OSBP2: variants seen among roughly 807,000 people sequenced by gnomAD.
OSBP2 encodes oxysterol-binding protein 2.
A neutral mutation model predicts 96.0 loss-of-function variants in OSBP2; 66 were observed. The ratio of observed to expected loss-of-function variants is 0.69; its 90% CI spans 0.56 to 0.84. The LOEUF is 0.84. Among genes scored for constraint, OSBP2 ranks in the 40% least tolerant of loss-of-function variants. The pLI, the probability that OSBP2 is intolerant of heterozygous loss-of-function variation, is 0.00. For missense variants in OSBP2, 1,038 were observed against 1,222.7 expected, an observed-to-expected ratio of 0.85 and a Z score of 2.25; for synonymous variants, 525 against 520.9, an observed-to-expected ratio of 1.01 and a Z score of -0.11.
At chr22:30,902,548 C>T in intron 12 of OSBP2, 12 of 1,249,654 alleles carry the variant, frequency 9.6e-6, no homozygotes, top group Non-Finnish European at 1.4e-5. Context: ...GGTAGTCACC[C>T]AGGTGACTGG....
chr22:30,743,752 C>T (rs950569259), intron 2 of OSBP2, among the ~76,000 whole-genome samples: 2 of 152,146 alleles, frequency 1.3e-5, no homozygotes, highest in Admixed American at 6.5e-5. Context: ...CAGCAGGTGG[C>T]AGTCATGGGA....
intron 2 of OSBP2, among the ~76,000 whole-genome samples, chr22:30,794,207 T>C (rs2090720934): frequency 6.6e-6 from 1 of 151,550 alleles, no homozygotes; most frequent in African/African-American, 2.4e-5. Context: ...AAAAAAAATG[T>C]TTTTTAATAA....
At chr22:30,892,361 G>A (rs907557110) in intron 8 of OSBP2, among the ~76,000 whole-genome samples, 2 of 152,082 alleles carry the variant, frequency 1.3e-5, no homozygotes, top group African/African-American at 4.8e-5. Flanking sequence ...GGAAGCAAGT[G>A]GGCACCTCTT....
chr22:30,894,867 C>T (rs1389165416), intron 12 of OSBP2, among the ~76,000 whole-genome samples: 1 of 152,154 alleles, frequency 6.6e-6, no homozygotes, highest in East Asian at 1.9e-4. Context: ...TAGAATTATA[C>T]ACCCAGGGAG....
At chr22:30,731,535 C>T (rs1403529147) in intron 1 of OSBP2, 1 of 153,634 alleles carries the variant, frequency 6.5e-6, no homozygotes, top group African/African-American at 2.4e-5. Context: ...GATGAGGCAT[C>T]ATCGAGAGAG....
rs753775777 is a variant in OSBP2, at chr22:30,906,468, T to C, written c.*129T>C. ...GCCCTTCCTATTTCCTTTCCTATTT[T>C]TTTTTTCTCCCCACACTTTCTTGGG... On this transcript the variant is annotated 3_prime_UTR_variant, in exon 14 of 14. Coordinates refer to ENST00000332585, the MANE Select transcript of OSBP2 (RefSeq NM_030758.4). 4.2e-6 allele frequency: 5 copies of C among 1,190,788 alleles called. No homozygotes were observed. Among genetic ancestry groups the C allele is most frequent in the Non-Finnish European group, 5.6e-6 (5 of 896,066 alleles). 73.8% of individuals were successfully genotyped at this position (1,190,788 alleles called of 1,614,324 possible). A position where few individuals can be genotyped will look rare whatever the true frequency, so the allele number is the denominator to read the frequency against.
At chr22:30,868,034 G>T (rs1369508310) in intron 2 of OSBP2, among the ~76,000 whole-genome samples, 1 of 152,238 alleles carries the variant, frequency 6.6e-6, no homozygotes, top group African/African-American at 2.4e-5. Context: ...GGCTACTCAG[G>T]AATTTCCTCA....
intron 3 of OSBP2, among the ~76,000 whole-genome samples, chr22:30,872,680 T>C (rs1424980605): frequency 6.6e-6 from 1 of 152,166 alleles, no homozygotes; most frequent in Non-Finnish European, 1.5e-5. Context: ...CTCCCCAAGC[T>C]CCTGCTGTTG....
chr22:30,899,411 A>G lies in OSBP2; in HGVS notation c.2375+5410A>G, dbSNP rs543637354. On this transcript the variant is annotated intron_variant, in intron 12 of 13. Coordinates refer to ENST00000332585, the MANE Select transcript of OSBP2 (RefSeq NM_030758.4). ...AAAGCAGACCCTATCTCAAAAAAAAAAAAAAAAGAAAAAGAACTGACTCTA... is the reference window on the plus strand; with the variant it reads ...AAAGCAGACCCTATCTCAAAAAAAAGAAAAAAAGAAAAAGAACTGACTCTA... Among the ~76,000 whole-genome samples, 17 of 151,994 alleles carry G rather than the reference A, an allele frequency of 1.1e-4. 1 individual carries two copies. The South Asian group carries it at 3.5e-3, about 31-fold the overall frequency.
intron 2 of OSBP2, among the ~76,000 whole-genome samples, chr22:30,846,150 T>G (rs1022206170): frequency 2.6e-4 from 40 of 152,102 alleles, no homozygotes; most frequent in African/African-American, 9.4e-4. Flanking sequence ...TTATTTTATC[T>G]TACATTATTT....
chr22:30,898,714 TGTG>T (rs901383160), intron 12 of OSBP2, among the ~76,000 whole-genome samples: 2 of 151,942 alleles, frequency 1.3e-5, no homozygotes, highest in Non-Finnish European at 2.9e-5. Context: ...TCCCCTGACA[TGTG>T]GGGATTACAA....
In OSBP2 at chr22:30,871,502, C is replaced by G. The variant is rs1044121569; in HGVS notation, c.1107+820C>G. 6.6e-6 allele frequency among the ~76,000 whole-genome samples: 1 copy of G among 152,138 alleles called. No individual in the cohort carries two copies. Among genetic ancestry groups the G allele is most frequent in the African/African-American group, 2.4e-5 (1 of 41,406 alleles). Reference sequence around the variant, plus strand: ...TGGGCCAGGGGTGCAGTTGTAGGAGCTTGGGGTGGCCTGCTGGGAGTAAGG... The same window carrying G: ...TGGGCCAGGGGTGCAGTTGTAGGAGGTTGGGGTGGCCTGCTGGGAGTAAGG... On this transcript the variant is annotated intron_variant, in intron 3 of 13. Transcript: ENST00000332585. The surrounding 1 kb of genome is among the most constrained non-coding windows in gnomAD (Gnocchi z 4.7).
intron 8 of OSBP2, among the ~76,000 whole-genome samples, chr22:30,892,233 G>T (rs1351250738): frequency 6.6e-6 from 1 of 152,124 alleles, no homozygotes; most frequent in Non-Finnish European, 1.5e-5. Flanking sequence ...CGTTTGGTGT[G>T]AGCAGCTGGA....
At chr22:30,714,934 A>T (rs995880882) in intron 1 of OSBP2, among the ~76,000 whole-genome samples, 1 of 152,116 alleles carries the variant, frequency 6.6e-6, no homozygotes, top group Non-Finnish European at 1.5e-5. Flanking sequence ...TTTCTTTTGG[A>T]TATATACGCA....
intron 2 of OSBP2, among the ~76,000 whole-genome samples, chr22:30,853,130 C>G (rs1415712623): frequency 6.6e-6 from 1 of 152,138 alleles, no homozygotes; most frequent in Non-Finnish European, 1.5e-5. Context: ...TAGGTCAATT[C>G]AGTTGATAAA....
chr22:30,735,253 T>C lies in OSBP2; in HGVS notation c.645-5908T>C, dbSNP rs2089831939. On this transcript the variant is annotated intron_variant, in intron 1 of 13. Coordinates refer to ENST00000332585, the MANE Select transcript of OSBP2 (RefSeq NM_030758.4). ...AACTAGAATGAGTAAAGGATCAATTTAGATTTGGATGCTGGGTGACTAGAA... is the reference window on the plus strand; with the variant it reads ...AACTAGAATGAGTAAAGGATCAATTCAGATTTGGATGCTGGGTGACTAGAA... Among the ~76,000 whole-genome samples the C allele has an allele frequency of 3.3e-5, 5 of 152,182 alleles. 1 individual carries two copies. The highest frequency in any genetic ancestry group is 3.3e-4 in the Admixed American group (5 of 15,276).
intron 3 of OSBP2, among the ~76,000 whole-genome samples, chr22:30,877,918 G>A (rs1400017048): frequency 6.6e-6 from 1 of 152,258 alleles, no homozygotes; most frequent in Non-Finnish European, 1.5e-5. Flanking sequence ...CCCCAGCCTT[G>A]TGGGCCCCGC....
At chr22:30,878,789 G>A (rs1277329497) in intron 3 of OSBP2, among the ~76,000 whole-genome samples, 3 of 152,144 alleles carry the variant, frequency 2.0e-5, no homozygotes, top group Admixed American at 1.3e-4. Context: ...GGGTGCCTGC[G>A]ACATCCTGAT....
chr22:30,719,865 A>G (rs1389246546), intron 1 of OSBP2, among the ~76,000 whole-genome samples: 1 of 152,134 alleles, frequency 6.6e-6, no homozygotes, highest in Non-Finnish European at 1.5e-5. Context: ...AAACAAACAA[A>G]CAAACAACAA....
Sources: gnomAD v4.1 joint callset for allele counts (sites outside exome capture counted in the v4.1 genomes callset) on GRCh38, gnomAD v4.1.1 for gene constraint, Gnocchi (gnomAD v3.1) non-coding constraint, MANE v1.5 for transcripts, NCBI Gene and HGNC (gene_info 2026-07-23, HGNC 2026-07-21) for gene names.